STXBP2: variants seen among roughly 807,000 people sequenced by gnomAD.
STXBP2 encodes syntaxin binding protein 2, also known as syntaxin-binding protein 2.
Under a neutral mutation model 72.2 loss-of-function variants are expected in STXBP2, and 47 were observed. The observed-to-expected ratio is 0.65, with a 90% confidence interval of 0.51 to 0.83. The LOEUF (loss-of-function observed/expected upper bound fraction) is 0.83, where lower values mean the gene tolerates loss of function less well. Ranked by LOEUF, STXBP2 falls within the 40% of genes least tolerant of loss-of-function variation. The pLI is 0.00. For synonymous variants in STXBP2, 367 were observed against 338.7 expected (o/e 1.08, Z -0.92); for missense variants, 702 against 807.6 (o/e 0.87, Z 1.58).
intron 1 of STXBP2, among the ~76,000 whole-genome samples, chr19:7,638,476 C>G (rs1169353461): frequency 6.6e-6 from 1 of 152,096 alleles, no homozygotes; most frequent in Non-Finnish European, 1.5e-5. Flanking sequence ...GGTACATGCA[C>G]CTGTAGTCCC....
upstream of STXBP2, among the ~76,000 whole-genome samples, chr19:7,635,520 T>C (rs146440985): frequency 9.4e-3 from 1,429 of 152,120 alleles, 24 homozygotes; most frequent in African/African-American, 0.031. Context: ...CATAGGGAGA[T>C]CCTGTCTCTT....
upstream of STXBP2, chr19:7,637,010 G>A (rs372154488): frequency 2.0e-6 from 2 of 983,384 alleles, no homozygotes; most frequent in Non-Finnish European, 1.3e-6. Context: ...GGGCCTGGGC[G>A]AGAACCGACG....
chr19:7,645,835 C>T, intron 15 of STXBP2: 1 of 337,610 alleles, frequency 3.0e-6, no homozygotes, highest in Non-Finnish European at 5.6e-6. Context: ...ATATCTCTCT[C>T]TCTCACCCTT....
At chr19:7,631,410 GGT>G in the STXBP2 span, 3 of 821,194 alleles carry the variant, frequency 3.7e-6, no homozygotes, top group African/African-American at 2.2e-5. Context: ...GGGGGGGGGT[GGT>G]CCCGGCTCTG....
In STXBP2 at chr19:7,645,190, C is replaced by T; in HGVS notation, c.1247-7C>T. On this transcript the variant is annotated splice_region_variant and splice_polypyrimidine_tract_variant and intron_variant, in intron 14 of 18. Coordinates refer to ENST00000221283, the MANE Select transcript of STXBP2 (RefSeq NM_006949.4). ...CCGCCTCCACCCTGCCCATTCCCGT[C>T]CCCCAGGTGTGAGTGAGGAGAACCT... 6.4e-7 allele frequency: 1 copy of T among 1,556,680 alleles called. No individual in the cohort carries two copies. The highest frequency in any genetic ancestry group is 8.7e-7 in the Non-Finnish European group (1 of 1,149,272).
intron 1 of STXBP2, among the ~76,000 whole-genome samples, chr19:7,637,411 C>A (rs2031592211): frequency 6.6e-6 from 1 of 152,060 alleles, no homozygotes. Context: ...CTCCGGGGAC[C>A]CAAAGGGGAC....
At chr19:7,645,878 T>A (rs2032113245) in intron 15 of STXBP2, 2 of 394,048 alleles carry the variant, frequency 5.1e-6, no homozygotes, top group Non-Finnish European at 9.2e-6. Flanking sequence ...CTGTTCTCTG[T>A]CTTGCTCCCC....
the STXBP2 span, chr19:7,629,972 C>T: frequency 3.1e-6 from 4 of 1,287,182 alleles, no homozygotes; most frequent in South Asian, 4.8e-5. Context: ...AAGGAGAAAG[C>T]TCTTAAGATT....
chr19:7,638,097 G>C (rs1016268351), intron 1 of STXBP2, among the ~76,000 whole-genome samples: 1 of 152,234 alleles, frequency 6.6e-6, no homozygotes, highest in African/African-American at 2.4e-5. Context: ...GAAGCCGAGA[G>C]CCTGGCGCTA....
Position 7,644,627 on chromosome 19 carries a change from G to C in STXBP2, c.1121G>C (p.Gly374Ala). The C allele has an allele frequency of 3.7e-6, 6 of 1,612,770 alleles. No homozygotes were observed. Among genetic ancestry groups the C allele is most frequent in the Non-Finnish European group, 4.2e-6 (5 of 1,179,808 alleles). The change falls in exon 14 of 19, where the codon GGC (glycine) becomes GCC (alanine). Residue 374 changes from glycine to alanine, a missense_variant. Coordinates refer to ENST00000221283, the MANE Select transcript of STXBP2 (RefSeq NM_006949.4). ...CCATGCCCGCAGGACCTGGCCATGGGCTCCGACGCAGAGGGGGAGAAGATC... is the reference window on the plus strand; with the variant it reads ...CCATGCCCGCAGGACCTGGCCATGGCCTCCGACGCAGAGGGGGAGAAGATC... ...LCSVEQDLAM[G>A]SDAEGEKIKD... is the part of the protein sequence containing the mutation.
At chr19:7,646,708 C>T in intron 16 of STXBP2, 2 of 405,088 alleles carry the variant, frequency 4.9e-6, no homozygotes, top group Non-Finnish European at 4.6e-6. Flanking sequence ...TGGCTTCCTC[C>T]TTGTCCCTCT....
chr19:7,645,879 C>A, intron 15 of STXBP2: 1 of 392,074 alleles, frequency 2.6e-6, no homozygotes, highest in Non-Finnish European at 4.6e-6. Flanking sequence ...TGTTCTCTGT[C>A]TTGCTCCCCT....
At chr19:7,641,035 G>T in intron 6 of STXBP2, 32 bp downstream of exon 6, 1 of 1,609,580 alleles carries the variant, frequency 6.2e-7, no homozygotes, top group Non-Finnish European at 8.5e-7. Context: ...GGCAGGGGGT[G>T]GGGGTTTGTG....
the STXBP2 span, chr19:7,631,728 A>G: frequency 1.4e-6 from 2 of 1,443,490 alleles, no homozygotes; most frequent in East Asian, 5.2e-5. Context: ...TGCTGTTCCG[A>G]CGGAAGCCGA....
intron 4 of STXBP2, 153 bp downstream of exon 4, chr19:7,639,960 G>A (rs760523461): frequency 2.4e-5 from 20 of 845,938 alleles, no homozygotes; most frequent in Non-Finnish European, 3.4e-5. Flanking sequence ...ATGTGTGTGT[G>A]CATCTGTGTA....
At chr19:7,630,063 G>C in the STXBP2 span, 1 of 614,726 alleles carries the variant, frequency 1.6e-6, no homozygotes. Flanking sequence ...TTCTGGGTTT[G>C]GGGGCTGTGA....
chr19:7,633,127 T>C (rs1169906056), upstream of STXBP2: 1 of 477,996 alleles, frequency 2.1e-6, no homozygotes, highest in Non-Finnish European at 2.7e-6. Flanking sequence ...CTGATGAGTG[T>C]GGCCTGGGAG....
chr19:7,632,527 C>T (rs773925531), upstream of STXBP2: 12 of 1,612,178 alleles, frequency 7.4e-6, no homozygotes, highest in Admixed American at 8.3e-5. This position sits in a 1 kb window ranked among gnomAD's most constrained non-coding sequence, Gnocchi z 5.2. Flanking sequence ...TCTGCGTGGA[C>T]GTTCACAGAC....
At chr19:7,640,101 T>C (rs1314972696) in intron 4 of STXBP2, 3 of 608,364 alleles carry the variant, frequency 4.9e-6, no homozygotes, top group Non-Finnish European at 9.2e-6. Context: ...TGTGCATTTG[T>C]GTCTGTGCAT....
Sources: gnomAD v4.1 joint callset for allele counts (sites outside exome capture counted in the v4.1 genomes callset) on GRCh38, gnomAD v4.1.1 for gene constraint, Gnocchi (gnomAD v3.1) non-coding constraint, MANE v1.5 for transcripts, NCBI Gene and HGNC (gene_info 2026-07-23, HGNC 2026-07-21) for gene names.